CFAP20DC: variants seen among roughly 807,000 people sequenced by gnomAD.
CFAP20DC encodes protein CFAP20DC.
In CFAP20DC, 84 loss-of-function variants were observed where a neutral mutation model predicts 101.7. The ratio of observed to expected loss-of-function variants is 0.83; its 90% CI spans 0.69 to 0.99. CFAP20DC has a LOEUF of 0.99. Ranked by LOEUF, CFAP20DC falls within the 50% of genes least tolerant of loss-of-function variation. The pLI, the probability that CFAP20DC is intolerant of heterozygous loss-of-function variation, is 0.00. For synonymous variants in CFAP20DC, 359 were observed against 351.2 expected, an observed-to-expected ratio of 1.02 and a Z score of -0.25; for missense variants, 1,007 against 970.3, an observed-to-expected ratio of 1.04 and a Z score of -0.50.
intron 6 of CFAP20DC, among the ~76,000 whole-genome samples, chr3:58,900,951 T>C (rs1468495744): frequency 6.6e-6 from 1 of 152,210 alleles, no homozygotes; most frequent in Non-Finnish European, 1.5e-5. Context: ...AAAATCATCA[T>C]CCCCATTTTA....
intron 14 of CFAP20DC, among the ~76,000 whole-genome samples, chr3:58,809,476 C>G (rs369473237): frequency 2.6e-5 from 4 of 152,090 alleles, no homozygotes; most frequent in South Asian, 4.2e-4. Flanking sequence ...GAAATGAAGG[C>G]AGAAATAAAG....
intron 13 of CFAP20DC, among the ~76,000 whole-genome samples, chr3:58,836,130 T>C (rs866858529): frequency 4.0e-4 from 61 of 152,144 alleles, no homozygotes; most frequent in African/African-American, 1.2e-3. Context: ...CCAGACATTA[T>C]TGGGAGCCTA....
rs544988477 is a variant in CFAP20DC, at chr3:58,854,292, C to T, written c.1594-4883G>A. 6.7e-4 allele frequency among the ~76,000 whole-genome samples: 102 copies of T among 151,568 alleles called. No homozygotes were observed. In the Middle Eastern group the frequency reaches 0.01, roughly 15 times the overall value. On this transcript the variant is annotated intron_variant, in intron 12 of 16. Transcript: ENST00000482387. ...CCAACTTACAAGGGATGTGAAGGAC[C>T]TCTTCAAGGAGAACTACAAACCACT... is the stretch of plus-strand genomic sequence containing the variant.
Position 58,863,732 on chromosome 3 carries a change from A to T in CFAP20DC, c.1419T>A (p.Val473=). The change falls in exon 12 of 17, where the codon GTT becomes GTA. Residue 473 remains valine (V), a synonymous_variant. Coordinates refer to ENST00000482387, the MANE Select transcript of CFAP20DC (RefSeq NM_001394063.1). The surrounding 1 kb of genome is among the most constrained non-coding windows in gnomAD (Gnocchi z 5.9). ...HDQQAEESQS[V]PKDIFTFSSR... ...ATGAAAAAGTGAAAATGTCCTTTGG[A>T]ACACTCTGGGATTCCTCTGCCTGCT... 1.2e-6 allele frequency: 2 copies of T among 1,614,198 alleles called. No homozygotes were observed. The highest frequency in any genetic ancestry group is 1.7e-6 in the Non-Finnish European group (2 of 1,180,044).
intron 13 of CFAP20DC, among the ~76,000 whole-genome samples, chr3:58,842,189 G>C (rs77225893): frequency 1.1e-4 from 17 of 152,160 alleles, no homozygotes; most frequent in Admixed American, 3.3e-4. Flanking sequence ...GAACAGCTCC[G>C]GTCTACAGCT....
At position 58,863,403 on chromosome 3, in the gene CFAP20DC, A is replaced by G. The variant is rs1269153997; in HGVS notation, c.1593+155T>C. ...AAAAAAGACAGTTTAAAGTTACCAT[A>G]ACAACCTGATGCAACTGTGGACTGA... On this transcript the variant is annotated intron_variant, in intron 12 of 16. Transcript: ENST00000482387. The surrounding 1 kb of genome is among the most constrained non-coding windows in gnomAD (Gnocchi z 5.9). 1 of 1,425,804 alleles carries G rather than the reference A, an allele frequency of 7.0e-7. No homozygotes were observed. The highest frequency in any genetic ancestry group is 1.6e-5 in the South Asian group (1 of 61,658). The allele number at this position is 1,425,804 out of a possible 1,614,324, so 88.3% of individuals were successfully genotyped here. A position where few individuals can be genotyped will look rare whatever the true frequency, so the allele number is the denominator to read the frequency against.
intron 14 of CFAP20DC, among the ~76,000 whole-genome samples, chr3:58,820,273 G>T (rs1266072196): frequency 2.7e-5 from 4 of 149,278 alleles, no homozygotes; most frequent in East Asian, 2.0e-4. Flanking sequence ...ATTCAACATA[G>T]TGTTGGAAGT....
intron 15 of CFAP20DC, among the ~76,000 whole-genome samples, chr3:58,797,570 T>C (rs1028742750): frequency 4.6e-5 from 7 of 152,210 alleles, no homozygotes; most frequent in Non-Finnish European, 7.3e-5. Flanking sequence ...AGTACTGATG[T>C]AGAAGCTGCA....
chr3:58,750,749 G>A (rs1437200668), intron 16 of CFAP20DC, among the ~76,000 whole-genome samples: 1 of 152,154 alleles, frequency 6.6e-6, no homozygotes, highest in African/African-American at 2.4e-5. Flanking sequence ...GCAGGATTCT[G>A]AGATCCTAAC....
At chr3:58,846,887 C>G (rs2077701913) in intron 13 of CFAP20DC, among the ~76,000 whole-genome samples, 1 of 146,534 alleles carries the variant, frequency 6.8e-6, no homozygotes, top group African/African-American at 2.5e-5. Flanking sequence ...TGATCTTTGA[C>G]AAACCTGAGA....
intron 4 of CFAP20DC, among the ~76,000 whole-genome samples, chr3:58,976,336 C>G (rs941662346): frequency 6.6e-6 from 1 of 152,126 alleles, no homozygotes; most frequent in Admixed American, 6.5e-5. Context: ...GGATGGCTAA[C>G]AGGTAAATGA....
At chr3:58,784,067 C>A (rs1003559352) in intron 15 of CFAP20DC, among the ~76,000 whole-genome samples, 1 of 150,974 alleles carries the variant, frequency 6.6e-6, no homozygotes, top group Non-Finnish European at 1.5e-5. Flanking sequence ...TTTAAGACAG[C>A]GCCTTACTCT....
chr3:59,047,472 A>G (rs1253453781), intron 1 of CFAP20DC, among the ~76,000 whole-genome samples: 2 of 152,200 alleles, frequency 1.3e-5, no homozygotes, highest in Non-Finnish European at 2.9e-5. Flanking sequence ...ATCTGTTTTT[A>G]AAGCATGACA....
At chr3:58,763,056 C>G (rs1237401113) in intron 15 of CFAP20DC, among the ~76,000 whole-genome samples, 2 of 152,066 alleles carry the variant, frequency 1.3e-5, no homozygotes, top group Non-Finnish European at 2.9e-5. Context: ...GTGGCGTTCT[C>G]TGTATTTCCT....
At chr3:58,772,077 C>T (rs1356986463) in intron 15 of CFAP20DC, among the ~76,000 whole-genome samples, 1 of 152,212 alleles carries the variant, frequency 6.6e-6, no homozygotes, top group Admixed American at 6.5e-5. Flanking sequence ...CTCCCCTTCA[C>T]AATGCACAGA....
At chr3:58,922,532 G>T (rs767452026) in intron 5 of CFAP20DC, among the ~76,000 whole-genome samples, 2 of 152,106 alleles carry the variant, frequency 1.3e-5, no homozygotes, top group African/African-American at 2.4e-5. Flanking sequence ...CATGAGAACT[G>T]GTTGATGAAA....
chr3:58,805,395 G>A (rs1252716541), intron 15 of CFAP20DC, among the ~76,000 whole-genome samples: 2 of 152,168 alleles, frequency 1.3e-5, no homozygotes. Context: ...CGGCCTTTGG[G>A]TTCTAGAATA....
At chr3:58,902,672 G>A (rs1239166173) in intron 6 of CFAP20DC, among the ~76,000 whole-genome samples, 1 of 151,948 alleles carries the variant, frequency 6.6e-6, no homozygotes, top group African/African-American at 2.4e-5. Flanking sequence ...GTCATCCCTT[G>A]GTATCCACAA....
At chr3:58,776,507 C>T (rs1477505617) in intron 15 of CFAP20DC, among the ~76,000 whole-genome samples, 1 of 151,770 alleles carries the variant, frequency 6.6e-6, no homozygotes, top group East Asian at 1.9e-4. Flanking sequence ...ATTTGCCTTC[C>T]TACAAATTGC....
Sources: gnomAD v4.1 joint callset for allele counts (sites outside exome capture counted in the v4.1 genomes callset) on GRCh38, gnomAD v4.1.1 for gene constraint, Gnocchi (gnomAD v3.1) non-coding constraint, MANE v1.5 for transcripts, NCBI Gene and HGNC (gene_info 2026-07-23, HGNC 2026-07-21) for gene names.